The following PLD1 variants were observed in gnomAD, a reference collection of about 807,000 sequenced individuals.
PLD1 encodes choline phosphatase 1.
In PLD1, 112 loss-of-function variants were observed where a neutral mutation model predicts 137.1. The observed-to-expected ratio is 0.82, with a 90% CI of 0.70 to 0.96. The LOEUF (loss-of-function observed/expected upper bound fraction) is 0.96. Among genes scored for constraint, PLD1 ranks in the 40% least tolerant of loss-of-function variants. The probability of loss-of-function intolerance (pLI) is 0.00; values close to 1 mark genes in which losing one functional copy is unlikely to be tolerated. For missense variants in PLD1, 1,321 were observed against 1,342.0 expected (o/e 0.98, Z 0.24); for synonymous variants, 431 against 454.7 (o/e 0.95, Z 0.66).
In PLD1 at chr3:171,605,322, G is replaced by A. The variant is rs748714447; in HGVS notation, c.2977C>T (p.Arg993Ter). ...FKEVWVSTAARNATIYDKVFR... is the reference protein window; with the variant it reads ...FKEVWVSTAA Reference sequence around the variant, plus strand: ...ACCTTGTCATAAATTGTAGCATTTCGAGCTGCTGTTGAAACCCACACCTCC... The same window carrying A: ...ACCTTGTCATAAATTGTAGCATTTCAAGCTGCTGTTGAAACCCACACCTCC... The change falls in exon 26 of 27, where the codon CGA becomes TGA. Residue 993 changes from arginine (R) to a stop codon, truncating the protein, a stop_gained. Coordinates refer to ENST00000351298, the MANE Select transcript of PLD1 (RefSeq NM_002662.5). LOFTEE classifies it high-confidence loss of function. 23 of 1,607,584 alleles carry A rather than the reference G, an allele frequency of 1.4e-5. No individual in the cohort carries two copies. The highest frequency in any genetic ancestry group is 2.0e-5 in the Non-Finnish European group (23 of 1,174,084).
intron 20 of PLD1, among the ~76,000 whole-genome samples, chr3:171,660,004 T>C (rs887501198): frequency 6.6e-6 from 1 of 152,206 alleles, no homozygotes; most frequent in African/African-American, 2.4e-5. Context: ...CAATGCAAAA[T>C]ATTTTGTTGC....
intron 9 of PLD1, among the ~76,000 whole-genome samples, chr3:171,712,342 A>G (rs1717329216): frequency 6.6e-6 from 1 of 152,112 alleles, no homozygotes. Flanking sequence ...CCTGGGCTTG[A>G]CCTATCCTGC....
chr3:171,627,515 G>C (rs947095412), intron 23 of PLD1, among the ~76,000 whole-genome samples: 10 of 151,612 alleles, frequency 6.6e-5, no homozygotes, highest in African/African-American at 2.2e-4. Context: ...GGACCTAATA[G>C]ACATCTACAG....
At chr3:171,677,409 T>C (rs1311924333) in intron 17 of PLD1, among the ~76,000 whole-genome samples, 157 bp downstream of exon 17, 3 of 152,180 alleles carry the variant, frequency 2.0e-5, no homozygotes, top group African/African-American at 7.2e-5. Flanking sequence ...CTTAAGCACA[T>C]GCTAATGACT....
intron 23 of PLD1, among the ~76,000 whole-genome samples, chr3:171,638,127 G>A (rs1735299684): frequency 6.7e-6 from 1 of 148,824 alleles, no homozygotes; most frequent in Non-Finnish European, 1.5e-5. Flanking sequence ...GGAGCTTGCA[G>A]TGAGCCAAGA....
chr3:171,695,847 G>A (rs911653243), intron 12 of PLD1, among the ~76,000 whole-genome samples: 1 of 141,696 alleles, frequency 7.1e-6, no homozygotes, highest in African/African-American at 2.6e-5. Flanking sequence ...AGGATATAAA[G>A]AAATCACTTC....
intron 21 of PLD1, among the ~76,000 whole-genome samples, chr3:171,656,450 C>T (rs754932015): frequency 3.9e-5 from 6 of 152,230 alleles, no homozygotes; most frequent in African/African-American, 9.6e-5. Flanking sequence ...GGATTACAGG[C>T]GTGAGCCACC....
intron 1 of PLD1, among the ~76,000 whole-genome samples, chr3:171,799,855 G>A (rs1286135734): frequency 6.6e-6 from 1 of 152,002 alleles, no homozygotes; most frequent in Non-Finnish European, 1.5e-5. Flanking sequence ...TCCCAACTGA[G>A]GGACATTCTA....
chr3:171,685,240 C>G (rs1320631141), intron 16 of PLD1, among the ~76,000 whole-genome samples: 2 of 152,130 alleles, frequency 1.3e-5, no homozygotes, highest in African/African-American at 4.8e-5. Flanking sequence ...CACCCCTGCC[C>G]TAGATGAAAG....
intron 1 of PLD1, among the ~76,000 whole-genome samples, chr3:171,784,303 A>C (rs187921181): frequency 9.0e-4 from 137 of 152,244 alleles, no homozygotes; most frequent in Non-Finnish European, 1.6e-3. Flanking sequence ...AACTAGTCTC[A>C]AAGTAATTAT....
At chr3:171,792,125 A>G (rs1190959381) in intron 1 of PLD1, 1 of 159,370 alleles carries the variant, frequency 6.3e-6, no homozygotes, top group East Asian at 1.8e-4. Context: ...CAGCTTTACT[A>G]CTCCCAATGC....
chr3:171,741,461 TA>T (rs1483681585), intron 1 of PLD1, among the ~76,000 whole-genome samples: 4 of 152,164 alleles, frequency 2.6e-5, no homozygotes, highest in African/African-American at 9.7e-5. Flanking sequence ...TAATCTATAA[TA>T]GGGGGTGAGC....
intron 16 of PLD1, among the ~76,000 whole-genome samples, chr3:171,684,348 A>G (rs1275529753): frequency 1.3e-5 from 2 of 152,176 alleles, no homozygotes; most frequent in Non-Finnish European, 2.9e-5. Flanking sequence ...CATTGAAACG[A>G]TAAGGCACTA....
chr3:171,802,459 C>CA (rs1447123550), intron 1 of PLD1, among the ~76,000 whole-genome samples: 4 of 151,894 alleles, frequency 2.6e-5, no homozygotes, highest in African/African-American at 9.7e-5. Flanking sequence ...ATCCAAATGA[C>CA]AAAAAAGAAG....
At chr3:171,629,715 T>C (rs1578141575) in intron 23 of PLD1, among the ~76,000 whole-genome samples, 1 of 152,024 alleles carries the variant, frequency 6.6e-6, no homozygotes, top group East Asian at 1.9e-4. Context: ...GCCGCATATC[T>C]ACAACTATCT....
rs1236370183 is a variant in PLD1, at chr3:171,781,758, G to A, written c.-32+28641C>T. ...ACCCAAATGCTGGCAAGGATACAGA[G>A]ACAGCACAACTCTCATTCACCATGG... On this transcript the variant is annotated intron_variant, in intron 1 of 26. Coordinates refer to ENST00000351298, the MANE Select transcript of PLD1 (RefSeq NM_002662.5). 2.0e-5 allele frequency among the ~76,000 whole-genome samples: 3 copies of A among 152,188 alleles called. No individual in the cohort carries two copies. The East Asian group carries it at 5.8e-4, about 29-fold the overall frequency.
At chr3:171,739,186 G>T (rs1317739650) in intron 1 of PLD1, among the ~76,000 whole-genome samples, 1 of 152,158 alleles carries the variant, frequency 6.6e-6, no homozygotes, top group African/African-American at 2.4e-5. Context: ...AATGAAATTT[G>T]CCCAGGGGAA....
Position 171,680,242 on chromosome 3 carries a change from C to CTTTTTTTTTTTTTTTTTTTTTTTT in PLD1, c.1868-2572_1868-2549dup, listed in dbSNP as rs571538714. 3.9e-5 allele frequency among the ~76,000 whole-genome samples: 4 copies of CTTTTTTTTTTTTTTTTTTTTTTTT among 102,928 alleles called. 1 individual carries two copies. The highest frequency in any genetic ancestry group is 5.7e-5 in the Non-Finnish European group (3 of 52,644). 67.5% of individuals were successfully genotyped at this position (102,928 alleles called of 152,430 possible). A position where few individuals can be genotyped will look rare whatever the true frequency, so the allele number is the denominator to read the frequency against. ...GTCTTTTTGTTTTCTTTTTCTTCCT[C>CTTTTTTTTTTTTTTTTTTTTTTTT]TTTTTTTTTTTTTTTTTTTTTTTTT... On this transcript the variant is annotated intron_variant, in intron 16 of 26. Coordinates refer to ENST00000351298, the MANE Select transcript of PLD1 (RefSeq NM_002662.5).
chr3:171,626,760 T>C (rs529812361), intron 23 of PLD1, among the ~76,000 whole-genome samples: 1 of 149,310 alleles, frequency 6.7e-6, no homozygotes, highest in African/African-American at 2.6e-5. Context: ...CTAAGCTTCA[T>C]AAGTGAAGGA....
Sources: gnomAD v4.1 joint callset for allele counts (sites outside exome capture counted in the v4.1 genomes callset) on GRCh38, gnomAD v4.1.1 for gene constraint, MANE v1.5 for transcripts, NCBI Gene and HGNC (gene_info 2026-07-23, HGNC 2026-07-21) for gene names.